Variants in MAF observed in about 807,000 individuals in gnomAD.
MAF encodes MAF bZIP transcription factor, also known as transcription factor Maf.
Under a neutral mutation model 22.0 loss-of-function variants are expected in MAF, and 10 were observed. The ratio of observed to expected loss-of-function variants is 0.45; its 90% CI spans 0.28 to 0.77. The LOEUF (loss-of-function observed/expected upper bound fraction) is 0.77. Ranked by LOEUF, MAF falls within the 30% of genes least tolerant of loss-of-function variation. The pLI, the probability that MAF is intolerant of heterozygous loss-of-function variation, is 0.12. For missense variants in MAF, 544 were observed against 548.4 expected, an observed-to-expected ratio of 0.99 and a Z score of 0.08; for synonymous variants, 337 against 255.8, an observed-to-expected ratio of 1.32 and a Z score of -3.03.
At chr16:79,371,084 C>T in the MAF span, among the ~76,000 whole-genome samples, 1 of 152,054 alleles carries the variant, frequency 6.6e-6, no homozygotes, top group Non-Finnish European at 1.5e-5. Flanking sequence ...TAAGGGTACT[C>T]AGATGGTGGA....
chr16:79,241,310 A>G, the MAF span, among the ~76,000 whole-genome samples: 3 of 152,134 alleles, frequency 2.0e-5, no homozygotes, highest in Admixed American at 6.6e-5. Context: ...GGTTAGACAA[A>G]TTGCTAACTG....
chr16:79,465,364 G>A, the MAF span, among the ~76,000 whole-genome samples: 4 of 152,262 alleles, frequency 2.6e-5, no homozygotes, highest in Non-Finnish European at 4.4e-5. Flanking sequence ...AGGCTGAGGC[G>A]GGCAGATCGC....
the MAF span, chr16:79,229,430 A>T: frequency 2.0e-5 from 3 of 152,172 alleles, no homozygotes; most frequent in Admixed American, 2.0e-4. Context: ...TCACCTTCAG[A>T]TAGAGCTGCC....
At chr16:79,465,947 T>C in the MAF span, among the ~76,000 whole-genome samples, 2 of 152,240 alleles carry the variant, frequency 1.3e-5, no homozygotes, top group African/African-American at 4.8e-5. Context: ...TTAAATCTTT[T>C]TGCAGATCTC....
chr16:79,506,186 T>A, the MAF span, among the ~76,000 whole-genome samples: 1 of 152,188 alleles, frequency 6.6e-6, no homozygotes, highest in Non-Finnish European at 1.5e-5. Context: ...ATCAACTGAA[T>A]ATTTACTCTG....
intron 1 of MAF, chr16:79,598,428 C>T (rs1292894790): frequency 2.6e-4 from 291 of 1,108,676 alleles, no homozygotes; most frequent in Non-Finnish European, 3.1e-4. Flanking sequence ...GAACATTGTG[C>T]AAGTCCGGGG....
the MAF span, among the ~76,000 whole-genome samples, chr16:79,254,936 G>C: frequency 6.6e-6 from 1 of 152,256 alleles, no homozygotes; most frequent in Middle Eastern, 3.4e-3. Context: ...AAAATTCCAA[G>C]AGTCGAATCC....
the MAF span, among the ~76,000 whole-genome samples, chr16:79,518,865 C>A: frequency 7.9e-5 from 12 of 152,212 alleles, no homozygotes; most frequent in Admixed American, 7.8e-4. Flanking sequence ...GCGGAGGTTG[C>A]CATGAGCCAA....
At chr16:79,484,747 G>A in the MAF span, among the ~76,000 whole-genome samples, 3 of 152,228 alleles carry the variant, frequency 2.0e-5, no homozygotes, top group African/African-American at 7.2e-5. Flanking sequence ...CACAGCTAGA[G>A]CCGGTGGAGC....
the MAF span, among the ~76,000 whole-genome samples, chr16:79,452,943 T>A: frequency 6.6e-6 from 1 of 152,230 alleles, no homozygotes; most frequent in Non-Finnish European, 1.5e-5. Flanking sequence ...GAGCGAGGAA[T>A]TAATTTTGCA....
chr16:79,522,992 C>A, the MAF span, among the ~76,000 whole-genome samples: 4 of 152,258 alleles, frequency 2.6e-5, no homozygotes, highest in African/African-American at 7.2e-5. Flanking sequence ...GGGAGAAAGG[C>A]AGAATGACGG....
chr16:79,339,399 C>A, the MAF span, among the ~76,000 whole-genome samples: 6 of 152,176 alleles, frequency 3.9e-5, no homozygotes, highest in African/African-American at 1.2e-4. Flanking sequence ...CTTCTCCATG[C>A]TCTTCTCCTT....
chr16:79,304,808 C>T, the MAF span, among the ~76,000 whole-genome samples: 1 of 152,174 alleles, frequency 6.6e-6, no homozygotes, highest in African/African-American at 2.4e-5. Context: ...GTCACAAAAA[C>T]AAAAAAGTTA....
chr16:79,595,228 G>A, intron 1 of MAF: 1 of 1,042,900 alleles, frequency 9.6e-7, no homozygotes, highest in Non-Finnish European at 1.2e-6. Context: ...AAAATTAAGT[G>A]TGGATTCAGG....
chr16:79,345,803 A>G, the MAF span, among the ~76,000 whole-genome samples: 3 of 147,488 alleles, frequency 2.0e-5, no homozygotes, highest in Non-Finnish European at 4.5e-5. Flanking sequence ...TTTTAAGTGT[A>G]TATCATATTT....
the MAF span, among the ~76,000 whole-genome samples, chr16:79,306,069 C>G: frequency 6.6e-6 from 1 of 152,198 alleles, no homozygotes; most frequent in East Asian, 1.9e-4. Context: ...CATGTGACCA[C>G]TAGCTTCCAA....
At chr16:79,210,255 C>G in the MAF span, among the ~76,000 whole-genome samples, 1 of 152,224 alleles carries the variant, frequency 6.6e-6, no homozygotes, top group Admixed American at 6.5e-5. Context: ...ATGACAACAA[C>G]AAACCCAAGT....
the MAF span, among the ~76,000 whole-genome samples, chr16:79,445,039 A>T: frequency 2.6e-3 from 399 of 151,926 alleles, 3 homozygotes; most frequent in African/African-American, 9.0e-3. Context: ...TTATTTATTT[A>T]TTTATTTTTT....
At chr16:79,542,361 A>G in the MAF span, among the ~76,000 whole-genome samples, 1 of 152,052 alleles carries the variant, frequency 6.6e-6, no homozygotes, top group Admixed American at 6.6e-5. Context: ...TTATTTTTGG[A>G]CCATGCCACG....
Sources: allele counts gnomAD v4.1 joint callset (sites outside exome capture counted in the v4.1 genomes callset), GRCh38; gene constraint gnomAD v4.1.1; transcripts MANE v1.5; gene names NCBI Gene and HGNC (gene_info 2026-07-23, HGNC 2026-07-21).